GPN2: variants seen among roughly 807,000 people sequenced by gnomAD.
The protein encoded by GPN2 is GPN-loop GTPase 2, also known as ATP-binding domain 1 family member B.
GPN2 carries 27 observed loss-of-function variants against 30.1 expected under a neutral mutation model. The observed-to-expected ratio is 0.90, with a 90% CI of 0.66 to 1.24. The LOEUF (loss-of-function observed/expected upper bound fraction) is 1.24, where lower values mean the gene tolerates loss of function less well. GPN2 is among the 50% of genes most tolerant of loss of function. The probability of loss-of-function intolerance (pLI) is 0.00; values close to 1 mark genes in which losing one functional copy is unlikely to be tolerated. For synonymous variants in GPN2, 212 were observed against 174.4 expected (o/e 1.22, Z -1.70); for missense variants, 406 against 405.4 (o/e 1.00, Z -0.01).
At chr1:26,883,483 C>G (rs1181495499) in intron 4 of GPN2, among the ~76,000 whole-genome samples, 1 of 151,612 alleles carries the variant, frequency 6.6e-6, no homozygotes, top group Non-Finnish European at 1.5e-5. Context: ...CCCAACTGAT[C>G]AATATGAAAT....
intron 2 of GPN2, 133 bp downstream of exon 2, chr1:26,888,836 G>A: frequency 2.5e-6 from 2 of 800,374 alleles, no homozygotes; most frequent in South Asian, 3.1e-5. Flanking sequence ...TAAATGGGCA[G>A]GAGTTAGAAC....
intron 4 of GPN2, among the ~76,000 whole-genome samples, chr1:26,882,092 C>T (rs2081867168): frequency 6.6e-6 from 1 of 151,930 alleles, no homozygotes; most frequent in African/African-American, 2.4e-5. Context: ...TGGCGGGCGC[C>T]TATTATCCCA....
intron 2 of GPN2, 57 bp from the exon 3 acceptor site, chr1:26,886,190 C>A (rs1199034255): frequency 4.1e-5 from 53 of 1,303,032 alleles, no homozygotes; most frequent in Non-Finnish European, 5.5e-5. Flanking sequence ...GACCTGAGGA[C>A]GAGGTTCCTT....
chr1:26,884,116 A>T, intron 4 of GPN2, 44 bp downstream of exon 4: 1 of 1,572,558 alleles, frequency 6.4e-7, no homozygotes, highest in Admixed American at 1.8e-5. Context: ...CTTGAGTCCC[A>T]TGTCTCACCC....
chr1:26,876,711 T>C lies in GPN2; in HGVS notation c.*2966A>G, dbSNP rs1043771774. ...GCACTGTGCAGATCCCCTCAGTATA[T>C]GCAGAGAACAGAAAATCATTTTGCT... On this transcript the variant is annotated 3_prime_UTR_variant, in exon 5 of 5. Coordinates refer to ENST00000374135, the MANE Select transcript of GPN2 (RefSeq NM_018066.4). 1.3e-5 allele frequency: 2 copies of C among 152,082 alleles called. No homozygotes were observed. Among genetic ancestry groups the C allele is most frequent in the African/African-American group, 2.4e-5 (1 of 41,384 alleles). The allele number at this position is 152,082 out of a possible 1,614,324, so 9.4% of individuals were successfully genotyped here. A position where few individuals can be genotyped will look rare whatever the true frequency, so the allele number is the denominator to read the frequency against.
At position 26,889,679 on chromosome 1, in the gene GPN2, G is replaced by A. The variant is rs576414774; in HGVS notation, c.411+7C>T. ...CGCAAAATGGGCCTCCCCGCCCTGA[G>A]ACGCACCCTGAGGTCCCACTGCGCC... On this transcript the variant is annotated splice_region_variant and intron_variant, in intron 1 of 4. Transcript: ENST00000374135. 1 of 1,564,112 alleles carries A rather than the reference G, an allele frequency of 6.4e-7. No homozygotes were observed. The highest frequency in any genetic ancestry group is 8.7e-7 in the Non-Finnish European group (1 of 1,151,454).
intron 3 of GPN2, among the ~76,000 whole-genome samples, chr1:26,885,089 T>C (rs1025059330): frequency 3.3e-5 from 5 of 152,212 alleles, no homozygotes; most frequent in Non-Finnish European, 5.9e-5. Context: ...AAATTATGTA[T>C]GTGTAGTCCT....
At chr1:26,888,192 G>A (rs2081901401) in intron 2 of GPN2, among the ~76,000 whole-genome samples, 1 of 152,048 alleles carries the variant, frequency 6.6e-6, no homozygotes, top group South Asian at 2.1e-4. Context: ...AAAAAAGCTG[G>A]CCACTGGGAC....
At chr1:26,883,021 C>T (rs1364303380) in intron 4 of GPN2, among the ~76,000 whole-genome samples, 1 of 152,204 alleles carries the variant, frequency 6.6e-6, no homozygotes, top group African/African-American at 2.4e-5. Context: ...CATTCTACAC[C>T]TTTCTTTCTA....
At chr1:26,880,399 A>G (rs931782972) in intron 4 of GPN2, among the ~76,000 whole-genome samples, 2 of 152,038 alleles carry the variant, frequency 1.3e-5, no homozygotes, top group African/African-American at 4.8e-5. Context: ...CGCAACCTCC[A>G]ACTCCCTGGT....
At position 26,887,029 on chromosome 1, in the gene GPN2, A is replaced by G. The variant is rs1175743688; in HGVS notation, c.569-896T>C. ...AAAAAAAAAAAAGTTGCAAATAATG[A>G]TAACAAGTATGTACCAAGAACTGTG... On this transcript the variant is annotated intron_variant, in intron 2 of 4. Coordinates refer to ENST00000374135, the MANE Select transcript of GPN2 (RefSeq NM_018066.4). 4.6e-5 allele frequency among the ~76,000 whole-genome samples: 7 copies of G among 150,550 alleles called. No individual in the cohort carries two copies. The East Asian group carries it at 5.9e-4, about 13-fold the overall frequency.
At chr1:26,887,065 C>A (rs1297308261) in intron 2 of GPN2, among the ~76,000 whole-genome samples, 1 of 151,574 alleles carries the variant, frequency 6.6e-6, no homozygotes, top group Non-Finnish European at 1.5e-5. Context: ...CATGGTCGTC[C>A]TCACCTCACA....
At chr1:26,889,637 G>C in intron 1 of GPN2, 49 bp downstream of exon 1, 1 of 1,516,178 alleles carries the variant, frequency 6.6e-7, no homozygotes, top group Non-Finnish European at 8.9e-7. Flanking sequence ...TGTCCTCCCT[G>C]TCTCAGTTAC....
intron 1 of GPN2, 129 bp downstream of exon 1, chr1:26,889,557 G>C: frequency 1.2e-6 from 1 of 832,850 alleles, no homozygotes; most frequent in Non-Finnish European, 1.9e-6. Context: ...GCCAGATTCT[G>C]AACTCATGCC....
intron 2 of GPN2, among the ~76,000 whole-genome samples, chr1:26,888,595 C>A (rs905600633): frequency 6.6e-6 from 1 of 152,228 alleles, no homozygotes; most frequent in Admixed American, 6.5e-5. Context: ...TGCTTCAGAG[C>A]AGAAGTGAGA....
In GPN2 at chr1:26,889,107, C is replaced by G. The variant is rs764203029; in HGVS notation, c.430G>C (p.Val144Leu). 2.4e-5 allele frequency: 39 copies of G among 1,613,606 alleles called. No individual in the cohort carries two copies. Among genetic ancestry groups the G allele is most frequent in the Non-Finnish European group, 3.3e-5 (39 of 1,179,714 alleles). ...GGGTCTGTGCAGTAGTGAGAATCCA[C>G]GAGGTGGACGGCAGTCAGCTGGGAG... ...WDLRLTAVHL[V>L]DSHYCTDPAK... The change falls in exon 2 of 5, where the codon GTG becomes CTG. Residue 144 changes from valine (V) to leucine (L), a missense_variant. Coordinates refer to ENST00000374135, the MANE Select transcript of GPN2 (RefSeq NM_018066.4).
chr1:26,886,035 C>T lies in GPN2; in HGVS notation c.667G>A (p.Glu223Lys), dbSNP rs146480240. 286 of 1,613,492 alleles carry T rather than the reference C, an allele frequency of 1.8e-4. No individual in the cohort carries two copies. Among genetic ancestry groups the T allele is most frequent in the Non-Finnish European group, 2.3e-4 (267 of 1,179,584 alleles). ...PFFRHYRQLN[E>K]KLVQLIEDYS... ...TCTTCGATGAGCTGCACTAGCTTCT[C>T]ATTGAGCTGGCGGTAGTGGCGGAAG... Residue 223 changes from glutamate (E) to lysine (K), a missense_variant, in exon 3 of 5, where the codon GAG becomes AAG. By Grantham distance (56) the Glu-to-Lys change is moderately conservative (BLOSUM62 1). Transcript: ENST00000374135.
At chr1:26,883,589 C>T (rs929838579) in intron 4 of GPN2, among the ~76,000 whole-genome samples, 2 of 152,088 alleles carry the variant, frequency 1.3e-5, no homozygotes, top group African/African-American at 2.4e-5. Flanking sequence ...GAGTTCCAGA[C>T]CAGCCTGGCC....
rs2081844379 is a variant in GPN2, at chr1:26,877,784, C to T, written c.*1893G>A. 1 of 152,310 alleles carries T rather than the reference C, an allele frequency of 6.6e-6. No individual in the cohort carries two copies. Among genetic ancestry groups the T allele is most frequent in the Admixed American group, 6.5e-5 (1 of 15,268 alleles). The allele number at this position is 152,310 out of a possible 1,614,324, so 9.4% of individuals were successfully genotyped here. A position where few individuals can be genotyped will look rare whatever the true frequency, so the allele number is the denominator to read the frequency against. On this transcript the variant is annotated 3_prime_UTR_variant, in exon 5 of 5. Transcript: ENST00000374135. The stretch of plus-strand genomic sequence containing the variant: ...GGTGCAGTGGCTCACGCCTGTAATC[C>T]CAGCACTTTGGGAGGCCAAGGCGGG...
Sources: allele counts gnomAD v4.1 joint callset (sites outside exome capture counted in the v4.1 genomes callset), GRCh38; gene constraint gnomAD v4.1.1; transcripts MANE v1.5; gene names NCBI Gene and HGNC (gene_info 2026-07-23, HGNC 2026-07-21).